The following REDIC1 variants were observed in gnomAD, a reference collection of about 807,000 sequenced individuals.
REDIC1 encodes the protein HEI10 Interacting Protein 1.
the REDIC1 span, among the ~76,000 whole-genome samples, chr12:39,628,736 A>T: frequency 6.6e-6 from 1 of 152,204 alleles, no homozygotes; most frequent in African/African-American, 2.4e-5. Flanking sequence ...GAGAAAGTAG[A>T]GATTAAAATT....
the REDIC1 span, chr12:39,760,259 C>G: frequency 6.2e-7 from 1 of 1,603,850 alleles, no homozygotes; most frequent in Non-Finnish European, 8.5e-7. Context: ...GCTCCTGCAA[C>G]GGAATATAAT....
chr12:39,762,983 T>A, the REDIC1 span, among the ~76,000 whole-genome samples: 4 of 152,050 alleles, frequency 2.6e-5, no homozygotes, highest in Non-Finnish European at 5.9e-5. Context: ...AAAAGTATAA[T>A]CATGTAAACT....
chr12:39,816,564 GAACT>G, the REDIC1 span, among the ~76,000 whole-genome samples: 2 of 143,918 alleles, frequency 1.4e-5, no homozygotes, highest in African/African-American at 5.0e-5. Flanking sequence ...ATGTACCCTA[GAACT>G]TACTTAAAGT....
the REDIC1 span, among the ~76,000 whole-genome samples, chr12:39,806,309 C>T: frequency 2.0e-5 from 3 of 152,196 alleles, no homozygotes; most frequent in Admixed American, 1.3e-4. Flanking sequence ...AAACCTTTGC[C>T]CAACAAATTG....
the REDIC1 span, among the ~76,000 whole-genome samples, chr12:39,700,909 C>A: frequency 1.3e-5 from 2 of 152,074 alleles, no homozygotes; most frequent in Non-Finnish European, 2.9e-5. Flanking sequence ...CACCACCAGG[C>A]CTGCCCTAAA....
chr12:39,839,113 T>C, the REDIC1 span, among the ~76,000 whole-genome samples: 154 of 152,254 alleles, frequency 1.0e-3, 1 homozygote, highest in African/African-American at 3.6e-3. Flanking sequence ...CAAACTTCCA[T>C]ACTCTACTAT....
the REDIC1 span, among the ~76,000 whole-genome samples, chr12:39,832,700 C>T: frequency 4.2e-5 from 4 of 94,146 alleles, no homozygotes; most frequent in Non-Finnish European, 4.1e-5. Context: ...CACCAGTTAA[C>T]TGACCCCTCT....
chr12:39,865,735 A>G, the REDIC1 span, among the ~76,000 whole-genome samples: 8 of 152,212 alleles, frequency 5.3e-5, no homozygotes, highest in Admixed American at 5.2e-4. Flanking sequence ...AGCAACATGG[A>G]TGGAGCTGGA....
At chr12:39,694,136 AT>A in the REDIC1 span, among the ~76,000 whole-genome samples, 3 of 151,986 alleles carry the variant, frequency 2.0e-5, no homozygotes, top group Non-Finnish European at 2.9e-5. Flanking sequence ...GGGTTTTGGC[AT>A]TTTTTTTCTT....
the REDIC1 span, among the ~76,000 whole-genome samples, chr12:39,711,668 CATGT>C: frequency 1.4e-3 from 186 of 135,992 alleles, 1 homozygote; most frequent in African/African-American, 4.5e-3. Flanking sequence ...TGTCTATACA[CATGT>C]ATGTGTGTAT....
the REDIC1 span, among the ~76,000 whole-genome samples, chr12:39,703,601 A>G: frequency 6.6e-6 from 1 of 152,222 alleles, no homozygotes; most frequent in East Asian, 1.9e-4. Context: ...TATGCAACCA[A>G]AAAAGATCCC....
the REDIC1 span, among the ~76,000 whole-genome samples, chr12:39,822,431 T>C: frequency 3.0e-4 from 46 of 152,326 alleles, no homozygotes; most frequent in African/African-American, 8.2e-4. Context: ...TAAGGCTCTT[T>C]AACCATCTGA....
the REDIC1 span, among the ~76,000 whole-genome samples, chr12:39,906,019 A>T: frequency 1.3e-5 from 2 of 152,142 alleles, no homozygotes; most frequent in Non-Finnish European, 2.9e-5. Flanking sequence ...GACTCTCATA[A>T]TCTGTAAAAC....
chr12:39,733,442 C>A, the REDIC1 span, among the ~76,000 whole-genome samples: 6 of 151,860 alleles, frequency 4.0e-5, no homozygotes, highest in African/African-American at 1.4e-4. Flanking sequence ...ATATCTTCAA[C>A]GTTTGTTTTT....
chr12:39,896,465 T>TACATATATGTATATGTGTATATATGTAC, the REDIC1 span, among the ~76,000 whole-genome samples: 449 of 141,470 alleles, frequency 3.2e-3, 13 homozygotes, highest in Middle Eastern at 9.1e-3. Flanking sequence ...TATATATGTA[T>TACATATATGTATATGTGTATATATGTAC]ACATATATGT....
At chr12:39,677,359 A>G in the REDIC1 span, among the ~76,000 whole-genome samples, 1 of 152,210 alleles carries the variant, frequency 6.6e-6, no homozygotes, top group South Asian at 2.1e-4. Context: ...AGGACATTAT[A>G]TAATGATAAA....
chr12:39,670,644 A>G, the REDIC1 span, among the ~76,000 whole-genome samples: 12 of 152,140 alleles, frequency 7.9e-5, no homozygotes, highest in African/African-American at 2.9e-4. Context: ...TAGGTTTTCT[A>G]TACCATTAAA....
At chr12:39,632,184 A>G in the REDIC1 span, among the ~76,000 whole-genome samples, 4 of 151,768 alleles carry the variant, frequency 2.6e-5, no homozygotes, top group African/African-American at 9.7e-5. Context: ...GCAACTTCCA[A>G]CTCCCAGGTT....
chr12:39,797,771 C>T, the REDIC1 span, among the ~76,000 whole-genome samples: 1 of 151,928 alleles, frequency 6.6e-6, no homozygotes, highest in African/African-American at 2.4e-5. Flanking sequence ...CACACACACA[C>T]ACACATACAC....
Sources: allele counts gnomAD v4.1 joint callset (sites outside exome capture counted in the v4.1 genomes callset), GRCh38; gene constraint gnomAD v4.1.1; transcripts MANE v1.5; gene names NCBI Gene and HGNC (gene_info 2026-07-23, HGNC 2026-07-21).